Variants in AKAP6 observed in about 807,000 individuals in gnomAD.
The protein encoded by AKAP6 is A-kinase anchor protein 6.
Under a neutral mutation model 188.5 loss-of-function variants are expected in AKAP6, and 58 were observed. That is an observed-to-expected ratio of 0.31 (90% CI 0.25 to 0.38). The LOEUF (loss-of-function observed/expected upper bound fraction) is 0.38. AKAP6 is among the 10% of genes least tolerant of loss of function. The probability of loss-of-function intolerance (pLI) is 1.00; values close to 1 mark genes in which losing one functional copy is unlikely to be tolerated. For synonymous variants in AKAP6, 989 were observed against 998.6 expected (o/e 0.99, Z 0.18); for missense variants, 2,710 against 2,740.0 (o/e 0.99, Z 0.24).
intron 8 of AKAP6, among the ~76,000 whole-genome samples, chr14:32,687,035 C>T (rs549452729): frequency 6.6e-6 from 1 of 152,090 alleles, no homozygotes; most frequent in South Asian, 2.1e-4. Flanking sequence ...ATCCCAAGCA[C>T]AACAGGCTGA....
chr14:32,576,011 A>T (rs1274853761), intron 4 of AKAP6, among the ~76,000 whole-genome samples: 1 of 152,016 alleles, frequency 6.6e-6, no homozygotes, highest in Non-Finnish European at 1.5e-5. Flanking sequence ...GAGGTAATCT[A>T]ATTGCTTGAA....
intron 3 of AKAP6, among the ~76,000 whole-genome samples, chr14:32,537,112 A>G (rs1882718115): frequency 6.6e-6 from 1 of 152,228 alleles, no homozygotes; most frequent in Non-Finnish European, 1.5e-5. Context: ...ATCTGTGCCT[A>G]TTCTCATAAA....
chr14:32,554,401 T>C (rs1318550417), intron 4 of AKAP6, among the ~76,000 whole-genome samples: 1 of 152,244 alleles, frequency 6.6e-6, no homozygotes, highest in Non-Finnish European at 1.5e-5. Context: ...ATTTAATTTA[T>C]ATAACAAGCA....
intron 5 of AKAP6, among the ~76,000 whole-genome samples, chr14:32,592,955 T>C (rs57735287): frequency 0.038 from 5,810 of 151,080 alleles, 345 homozygotes; most frequent in African/African-American, 0.13. Context: ...GTCATAACTC[T>C]CTTGACACAG....
intron 7 of AKAP6, among the ~76,000 whole-genome samples, chr14:32,617,719 A>G (rs1886640587): frequency 6.6e-6 from 1 of 152,122 alleles, no homozygotes. Context: ...TTTGCCTCCC[A>G]GGTTTGAGTG....
intron 2 of AKAP6, among the ~76,000 whole-genome samples, chr14:32,471,584 A>G (rs1566523754): frequency 3.9e-5 from 6 of 152,354 alleles, no homozygotes; most frequent in Admixed American, 2.6e-4. Context: ...TAAGTGTATT[A>G]TACATTTACT....
chr14:32,553,226 G>A (rs1176039387), intron 4 of AKAP6, among the ~76,000 whole-genome samples: 1 of 149,108 alleles, frequency 6.7e-6, no homozygotes, highest in African/African-American at 2.5e-5. Context: ...GCAGTGGCAC[G>A]GTCTCAGCTC....
At chr14:32,583,681 G>A (rs536234736) in intron 5 of AKAP6, among the ~76,000 whole-genome samples, 155 of 152,270 alleles carry the variant, frequency 1.0e-3, no homozygotes, top group Non-Finnish European at 2.0e-3. Flanking sequence ...GGGCAATGGC[G>A]GGTGCCCCTC....
chr14:32,678,274 G>A (rs746649879), intron 7 of AKAP6, 37 bp from the exon 8 acceptor site: 6 of 1,586,340 alleles, frequency 3.8e-6, no homozygotes, highest in Non-Finnish European at 5.2e-6. Flanking sequence ...ATTCCTTCTG[G>A]ATTAAAACAG....
intron 2 of AKAP6, among the ~76,000 whole-genome samples, chr14:32,456,623 C>T (rs535853657): frequency 4.6e-5 from 7 of 152,184 alleles, no homozygotes; most frequent in South Asian, 2.1e-4. Context: ...TGTTATCATT[C>T]GATAATGGTT....
chr14:32,625,965 G>C (rs1434435234), intron 7 of AKAP6, among the ~76,000 whole-genome samples: 1 of 152,108 alleles, frequency 6.6e-6, no homozygotes, highest in Non-Finnish European at 1.5e-5. Context: ...CCATTATAGT[G>C]GCAAAATATG....
chr14:32,380,436 C>T (rs1888316591), intron 1 of AKAP6, among the ~76,000 whole-genome samples: 1 of 152,184 alleles, frequency 6.6e-6, no homozygotes, highest in Non-Finnish European at 1.5e-5. Flanking sequence ...CTGCCAGTGC[C>T]TACCTCAGAT....
intron 9 of AKAP6, among the ~76,000 whole-genome samples, chr14:32,723,358 CCTT>C (rs1185764496): frequency 5.9e-5 from 9 of 152,026 alleles, no homozygotes; most frequent in Non-Finnish European, 1.5e-5. Flanking sequence ...TGTCATTTCT[CCTT>C]CTTAGATTTA....
chr14:32,774,849 A>G (rs2033006665), intron 12 of AKAP6, among the ~76,000 whole-genome samples: 1 of 152,198 alleles, frequency 6.6e-6, no homozygotes, highest in Admixed American at 6.5e-5. Flanking sequence ...TCCAAAATTG[A>G]AAAATCAAAT....
intron 2 of AKAP6, among the ~76,000 whole-genome samples, chr14:32,462,849 A>T (rs924447822): frequency 6.0e-5 from 9 of 149,324 alleles, no homozygotes; most frequent in African/African-American, 2.2e-4. Context: ...GCAAAAACAC[A>T]CATAGGCTCA....
chr14:32,441,456 T>C (rs1211585888), intron 2 of AKAP6, among the ~76,000 whole-genome samples: 2 of 152,092 alleles, frequency 1.3e-5, no homozygotes, highest in Admixed American at 6.6e-5. Context: ...AATAATTATC[T>C]CTCTCTCTCT....
chr14:32,394,099 G>A (rs1298617078), intron 1 of AKAP6, among the ~76,000 whole-genome samples: 2 of 152,118 alleles, frequency 1.3e-5, no homozygotes, highest in Non-Finnish European at 2.9e-5. Context: ...GCCTTTTTGA[G>A]TATGAAATTG....
chr14:32,823,114 G>C lies in AKAP6; in HGVS notation c.5301G>C (p.Glu1767Asp), dbSNP rs755211342. 6.2e-7 allele frequency: 1 copy of C among 1,613,786 alleles called. No individual in the cohort carries two copies. Among genetic ancestry groups the C allele is most frequent in the East Asian group, 2.2e-5 (1 of 44,864 alleles). Reference sequence around the variant, plus strand: ...CTACCCTTACCTTGACTGAAGAAGAGCTGTGCATCAAAGATGAGGATGACG... The same window carrying C: ...CTACCCTTACCTTGACTGAAGAAGACCTGTGCATCAAAGATGAGGATGACG... ...SSSTLTLTEE[E>D]LCIKDEDDDS... is the part of the protein sequence containing the mutation. Residue 1767 changes from glutamate (E) to aspartate (D), a missense_variant, in exon 13 of 14, where the codon GAG becomes GAC. Transcript: ENST00000280979.
intron 12 of AKAP6, among the ~76,000 whole-genome samples, chr14:32,790,746 G>C (rs2033583261): frequency 6.6e-6 from 1 of 151,972 alleles, no homozygotes; most frequent in Admixed American, 6.6e-5. Flanking sequence ...TTAGGTGTTT[G>C]TCCTAATGCT....
Sources: gnomAD v4.1 joint callset for allele counts (sites outside exome capture counted in the v4.1 genomes callset) on GRCh38, gnomAD v4.1.1 for gene constraint, MANE v1.5 for transcripts, NCBI Gene and HGNC (gene_info 2026-07-23, HGNC 2026-07-21) for gene names.